The following SRGAP1 variants were observed in gnomAD, a reference collection of about 807,000 sequenced individuals.
The protein encoded by SRGAP1 is SLIT-ROBO Rho GTPase-activating protein 1.
SRGAP1 carries 43 observed loss-of-function variants against 121.9 expected under a neutral mutation model. The observed-to-expected ratio is 0.35, with a 90% CI of 0.28 to 0.46. The LOEUF (loss-of-function observed/expected upper bound fraction) is 0.46. SRGAP1 is among the 20% of genes least tolerant of loss of function. SRGAP1 has a pLI of 1.00. For synonymous variants in SRGAP1, 447 were observed against 485.4 expected (o/e 0.92, Z 1.04); for missense variants, 1,102 against 1,350.9 (o/e 0.82, Z 2.89).
intron 1 of SRGAP1, among the ~76,000 whole-genome samples, chr12:63,970,927 G>T (rs1946901399): frequency 1.3e-5 from 2 of 152,144 alleles, no homozygotes; most frequent in Admixed American, 6.6e-5. Flanking sequence ...TGAACAAAGA[G>T]CTGAATCAAG....
Position 64,146,257 on chromosome 12 carries a change from A to G in SRGAP1, c.*3585A>G, listed in dbSNP as rs896677620. The G allele has an allele frequency of 1.3e-5, 2 of 152,192 alleles. No individual in the cohort carries two copies. Among genetic ancestry groups the G allele is most frequent in the African/African-American group, 2.4e-5 (1 of 41,446 alleles). 9.4% of individuals were successfully genotyped at this position (152,192 alleles called of 1,614,324 possible). A position where few individuals can be genotyped will look rare whatever the true frequency, so the allele number is the denominator to read the frequency against. On this transcript the variant is annotated 3_prime_UTR_variant, in exon 22 of 22. Coordinates refer to ENST00000355086, the MANE Select transcript of SRGAP1 (RefSeq NM_020762.4). Reference sequence around the variant, plus strand: ...GTGCCCCTTGAGCCACCTGTAGAATAATTTATAGCAGGGTCCCACAATCTA... The same window carrying G: ...GTGCCCCTTGAGCCACCTGTAGAATGATTTATAGCAGGGTCCCACAATCTA...
At chr12:64,091,671 T>A (rs1444443851) in intron 12 of SRGAP1, among the ~76,000 whole-genome samples, 2 of 152,204 alleles carry the variant, frequency 1.3e-5, no homozygotes, top group Non-Finnish European at 2.9e-5. Flanking sequence ...AGCAACCTGA[T>A]AAAAATGTTG....
intron 1 of SRGAP1, among the ~76,000 whole-genome samples, chr12:63,968,939 C>T (rs11175219): frequency 0.08 from 12,122 of 152,186 alleles, 636 homozygotes; most frequent in Non-Finnish European, 0.12. Context: ...TTTCTGAATG[C>T]CGGCAGCCAA....
At chr12:64,130,157 T>C (rs145716077) in intron 21 of SRGAP1, among the ~76,000 whole-genome samples, 2 of 152,320 alleles carry the variant, frequency 1.3e-5, no homozygotes, top group African/African-American at 2.4e-5. Flanking sequence ...CTGTATTCCA[T>C]GCACACTCTT....
At chr12:63,952,067 A>T (rs995731564) in intron 1 of SRGAP1, among the ~76,000 whole-genome samples, 2 of 152,024 alleles carry the variant, frequency 1.3e-5, no homozygotes, top group Non-Finnish European at 2.9e-5. Context: ...CAGTTAGTTA[A>T]CATTTTTATC....
At position 64,158,251 on chromosome 12, in the gene SRGAP1, A is replaced by G. The variant is rs1286016935; in HGVS notation, c.*15579A>G. On this transcript the variant is annotated 3_prime_UTR_variant, in exon 22 of 22. Coordinates refer to ENST00000355086, the MANE Select transcript of SRGAP1 (RefSeq NM_020762.4). ...ATCTAGGATTAGATGTTTCTAAATT[A>G]AAACTATTTCCTGCTTTGTATTTGT... 1 of 152,240 alleles carries G rather than the reference A, an allele frequency of 6.6e-6. No homozygotes were observed. The highest frequency in any genetic ancestry group is 1.5e-5 in the Non-Finnish European group (1 of 68,042). 9.4% of individuals were successfully genotyped at this position (152,240 alleles called of 1,614,324 possible). A position where few individuals can be genotyped will look rare whatever the true frequency, so the allele number is the denominator to read the frequency against.
At chr12:63,848,935 A>C (rs1898990198) in intron 1 of SRGAP1, among the ~76,000 whole-genome samples, 2 of 152,228 alleles carry the variant, frequency 1.3e-5, no homozygotes, top group South Asian at 4.1e-4. Flanking sequence ...AAAAAACAGT[A>C]ATCAAAACCA....
At chr12:64,071,531 T>A (rs1371958186) in intron 8 of SRGAP1, among the ~76,000 whole-genome samples, 1 of 152,176 alleles carries the variant, frequency 6.6e-6, no homozygotes, top group African/African-American at 2.4e-5. Flanking sequence ...AATATAAACC[T>A]CTAAACAGTG....
chr12:64,092,352 A>G (rs1263723741), intron 12 of SRGAP1, among the ~76,000 whole-genome samples: 1 of 152,146 alleles, frequency 6.6e-6, no homozygotes, highest in Non-Finnish European at 1.5e-5. Context: ...CATGTCATTA[A>G]TAACCTCCCT....
At chr12:63,848,796 T>C (rs1898985940) in intron 1 of SRGAP1, among the ~76,000 whole-genome samples, 1 of 152,238 alleles carries the variant, frequency 6.6e-6, no homozygotes, top group African/African-American at 2.4e-5. Flanking sequence ...TTCAAGCTTT[T>C]AAAGTTTTCA....
chr12:63,890,763 G>A (rs1032059602), intron 1 of SRGAP1, among the ~76,000 whole-genome samples: 4 of 152,146 alleles, frequency 2.6e-5, no homozygotes, highest in Admixed American at 6.5e-5. Context: ...CCCAGGAGAC[G>A]GGCAGTGATA....
chr12:64,120,782 C>CA (rs1329558364), intron 18 of SRGAP1, among the ~76,000 whole-genome samples: 2 of 152,272 alleles, frequency 1.3e-5, no homozygotes, highest in African/African-American at 4.8e-5. Flanking sequence ...AAAATGCCCT[C>CA]AAGGCAAAAT....
intron 1 of SRGAP1, among the ~76,000 whole-genome samples, chr12:63,867,453 C>T (rs1161848953): frequency 1.3e-5 from 2 of 152,144 alleles, no homozygotes; most frequent in African/African-American, 4.8e-5. Flanking sequence ...TTATCTGCAT[C>T]AGTTTCAGTG....
At chr12:63,949,395 A>ATTTT (rs1280848053) in intron 1 of SRGAP1, among the ~76,000 whole-genome samples, 5 of 100,384 alleles carry the variant, frequency 5.0e-5, no homozygotes, top group Admixed American at 2.4e-4. Flanking sequence ...CATTTTTATT[A>ATTTT]TTTATTATTA....
chr12:63,881,083 CG>C, intron 1 of SRGAP1, among the ~76,000 whole-genome samples: 2 of 152,222 alleles, frequency 1.3e-5, no homozygotes, highest in South Asian at 4.2e-4. Flanking sequence ...GTATATTTTG[CG>C]AAGTCAACTG....
At chr12:64,131,175 A>T (rs998524506) in intron 21 of SRGAP1, among the ~76,000 whole-genome samples, 1 of 152,132 alleles carries the variant, frequency 6.6e-6, no homozygotes, top group Non-Finnish European at 1.5e-5. Flanking sequence ...GGCTCATCCT[A>T]TCCACTTGAT....
intron 1 of SRGAP1, among the ~76,000 whole-genome samples, chr12:63,941,785 G>A (rs1043241173): frequency 6.6e-6 from 1 of 151,850 alleles, no homozygotes; most frequent in African/African-American, 2.4e-5. Context: ...ATTTAACCTT[G>A]TTCTCTGGTA....
At position 64,147,746 on chromosome 12, in the gene SRGAP1, AT is replaced by A. The variant is rs2037076299; in HGVS notation, c.*5079del. 1 of 398,340 alleles carries A rather than the reference AT, an allele frequency of 2.5e-6. No homozygotes were observed. Among genetic ancestry groups the A allele is most frequent in the Non-Finnish European group, 4.4e-6 (1 of 226,028 alleles). The allele number at this position is 398,340 out of a possible 1,614,324, so 24.7% of individuals were successfully genotyped here. On this transcript the variant is annotated 3_prime_UTR_variant, in exon 22 of 22. Coordinates refer to ENST00000355086, the MANE Select transcript of SRGAP1 (RefSeq NM_020762.4). ...TGCACTTTTATGTATAGTACTGTAC[AT>A]TTTTGGCATGTACCATTACAGGCTT...
At chr12:63,913,215 T>C (rs1266034502) in intron 1 of SRGAP1, among the ~76,000 whole-genome samples, 2 of 135,092 alleles carry the variant, frequency 1.5e-5, no homozygotes, top group Non-Finnish European at 3.2e-5. Context: ...TTTTTTTTTT[T>C]TTTTTTTTTG....
Sources: allele counts gnomAD v4.1 joint callset (sites outside exome capture counted in the v4.1 genomes callset), GRCh38; gene constraint gnomAD v4.1.1; transcripts MANE v1.5; gene names NCBI Gene and HGNC (gene_info 2026-07-23, HGNC 2026-07-21).